The following SLC24A3 variants were observed in gnomAD, a reference collection of about 807,000 sequenced individuals.
SLC24A3 encodes the protein sodium/potassium/calcium exchanger 3.
In SLC24A3, 28 loss-of-function variants were observed where a neutral mutation model predicts 75.8. That is an observed-to-expected ratio of 0.37 (90% CI 0.27 to 0.51). The LOEUF is 0.51. SLC24A3 is among the 20% of genes least tolerant of loss of function. The probability of loss-of-function intolerance (pLI) is 0.94; values close to 1 mark genes in which losing one functional copy is unlikely to be tolerated. For missense variants in SLC24A3, 663 were observed against 847.8 expected, an observed-to-expected ratio of 0.78 and a Z score of 2.71; for synonymous variants, 372 against 334.1, an observed-to-expected ratio of 1.11 and a Z score of -1.24.
chr20:19,636,737 A>G (rs2122692347), intron 6 of SLC24A3, among the ~76,000 whole-genome samples: 1 of 152,236 alleles, frequency 6.6e-6, no homozygotes, highest in Admixed American at 6.5e-5. Flanking sequence ...CACATCACTC[A>G]TCCTGGCCAC....
rs1488213906 is a variant in SLC24A3, at chr20:19,720,991, G to A, written c.1786G>A (p.Val596Met). 2.5e-6 allele frequency: 4 copies of A among 1,613,534 alleles called. No individual in the cohort carries two copies. In the South Asian group the frequency reaches 4.4e-5, roughly 18 times the overall value. ...TCTGAACCTGTTCTGTGCCCTGCAG[G>A]TGTTCGGCGTCCACCTGAACAAGTG... ...GLLLASVFVT[V>M]FGVHLNKWQL... The change falls in exon 17 of 17, where the codon GTG (valine) becomes ATG (methionine). Residue 596 changes from valine to methionine, a missense_variant and splice_region_variant. Transcript: ENST00000328041.
chr20:19,450,260 G>C (rs1468239703), intron 2 of SLC24A3, among the ~76,000 whole-genome samples: 1 of 152,232 alleles, frequency 6.6e-6, no homozygotes, highest in Non-Finnish European at 1.5e-5. Flanking sequence ...CAGTCAGACA[G>C]TGGTGAACCA....
intron 2 of SLC24A3, among the ~76,000 whole-genome samples, chr20:19,445,445 A>G (rs1987365219): frequency 1.3e-5 from 2 of 152,248 alleles, no homozygotes; most frequent in Admixed American, 6.5e-5. Context: ...TCTTAGAAGC[A>G]GACTCAGGGT....
chr20:19,588,028 G>A (rs2031323222), intron 6 of SLC24A3, among the ~76,000 whole-genome samples: 1 of 152,162 alleles, frequency 6.6e-6, no homozygotes, highest in African/African-American at 2.4e-5. Context: ...ATACTCAGTG[G>A]GAAGGAAAGG....
chr20:19,681,065 A>C (rs1300044775), intron 9 of SLC24A3, among the ~76,000 whole-genome samples: 3 of 152,096 alleles, frequency 2.0e-5, no homozygotes, highest in African/African-American at 7.2e-5. Flanking sequence ...AGTTTTTATG[A>C]GTTTTCTAGG....
At chr20:19,275,518 G>A (rs1324793463) in intron 1 of SLC24A3, among the ~76,000 whole-genome samples, 1 of 152,180 alleles carries the variant, frequency 6.6e-6, no homozygotes, top group Non-Finnish European at 1.5e-5. Flanking sequence ...GTGGGACAAG[G>A]TTCACATAGG....
rs756183736 is a variant in SLC24A3 at position 19,585,562 on chromosome 20, T to C, written c.612+18T>C. The stretch of plus-strand genomic sequence containing the variant: ...CTGGGCAGGTAAGACTGGCGGCTTC[T>C]TTGTGATGGCAAAATGTGACATTGG... On this transcript the variant is annotated intron_variant, in intron 6 of 16. Coordinates refer to ENST00000328041, the MANE Select transcript of SLC24A3 (RefSeq NM_020689.4). 2.9e-5 allele frequency: 47 copies of C among 1,608,866 alleles called. No individual in the cohort carries two copies. The highest frequency in any genetic ancestry group is 1.2e-4 in the Admixed American group (7 of 59,552).
chr20:19,711,292 C>T (rs555107555), intron 15 of SLC24A3, among the ~76,000 whole-genome samples: 52 of 45,534 alleles, frequency 1.1e-3, no homozygotes, highest in African/African-American at 5.2e-3. Flanking sequence ...CATGCAAACA[C>T]GCACACACAT....
intron 2 of SLC24A3, among the ~76,000 whole-genome samples, chr20:19,315,780 G>A (rs772327750): frequency 3.3e-5 from 5 of 152,066 alleles, no homozygotes; most frequent in African/African-American, 9.7e-5. Flanking sequence ...TTGTTCACTC[G>A]TGTACATAAA....
In SLC24A3 at chr20:19,346,144, T is replaced by TGTATATATATATGGTGTATATATATG. The variant is rs1568595682; in HGVS notation, c.271+65083_271+65108dup. Among the ~76,000 whole-genome samples the TGTATATATATATGGTGTATATATATG allele has an allele frequency of 1.4e-4, 12 of 83,436 alleles. 1 individual carries two copies. Among genetic ancestry groups the TGTATATATATATGGTGTATATATATG allele is most frequent in the South Asian group, 7.5e-4 (2 of 2,682 alleles). 54.7% of individuals were successfully genotyped at this position (83,436 alleles called of 152,430 possible). ...TGTGTGTATATATATATATGGTGTG[T>TGTATATATATATGGTGTATATATATG]GTATATATATATGGTGTATATATAT... is the stretch of plus-strand genomic sequence containing the variant. On this transcript the variant is annotated intron_variant, in intron 2 of 16. Coordinates refer to ENST00000328041, the MANE Select transcript of SLC24A3 (RefSeq NM_020689.4).
At chr20:19,686,506 G>T (rs1041700267) in intron 12 of SLC24A3, among the ~76,000 whole-genome samples, 1 of 152,234 alleles carries the variant, frequency 6.6e-6, no homozygotes, top group African/African-American at 2.4e-5. Context: ...CACATGGACT[G>T]TCAAGTGTGT....
chr20:19,349,681 C>T (rs1225265940), intron 2 of SLC24A3, among the ~76,000 whole-genome samples: 1 of 152,220 alleles, frequency 6.6e-6, no homozygotes, highest in Non-Finnish European at 1.5e-5. Context: ...CAGTTGCCCA[C>T]AGCAGTAACT....
At chr20:19,551,182 C>A (rs1331457039) in intron 3 of SLC24A3, among the ~76,000 whole-genome samples, 1 of 152,160 alleles carries the variant, frequency 6.6e-6, no homozygotes, top group African/African-American at 2.4e-5. Flanking sequence ...TCTCTTTGGT[C>A]CTCATAGTTT....
At position 19,269,814 on chromosome 20, in the gene SLC24A3, C is replaced by T. The variant is rs150267797; in HGVS notation, c.143-11145C>T. Among the ~76,000 whole-genome samples, 361 of 152,286 alleles carry T rather than the reference C, an allele frequency of 2.4e-3. 3 individuals are homozygous for T. The highest frequency in any genetic ancestry group is 8.5e-3 in the African/African-American group (355 of 41,560). On this transcript the variant is annotated intron_variant, in intron 1 of 16. Transcript: ENST00000328041. ...TGGGCACACAATTATAGTATTTGCT[C>T]CTGAGGCCCGTATAATAATAGTTGA...
At chr20:19,257,339 C>G (rs1982845092) in intron 1 of SLC24A3, among the ~76,000 whole-genome samples, 1 of 152,194 alleles carries the variant, frequency 6.6e-6, no homozygotes, top group Non-Finnish European at 1.5e-5. Flanking sequence ...ATCCTCCTCT[C>G]AGACGGTTGA....
intron 1 of SLC24A3, among the ~76,000 whole-genome samples, chr20:19,252,480 A>G (rs1328279883): frequency 6.6e-6 from 1 of 152,212 alleles, no homozygotes; most frequent in Non-Finnish European, 1.5e-5. Context: ...GGTCATAGGC[A>G]CTAATTAACC....
intron 2 of SLC24A3, among the ~76,000 whole-genome samples, chr20:19,306,130 A>G (rs1252872435): frequency 2.0e-5 from 3 of 152,238 alleles, no homozygotes; most frequent in Admixed American, 6.5e-5. Context: ...AAAGTGTTCA[A>G]CATCACTAAT....
chr20:19,629,119 A>G (rs2031903816), intron 6 of SLC24A3, among the ~76,000 whole-genome samples: 1 of 151,958 alleles, frequency 6.6e-6, no homozygotes, highest in Non-Finnish European at 1.5e-5. Context: ...AAAATGCCCA[A>G]TGAGCTATAA....
chr20:19,718,284 A>G (rs1052311172), intron 16 of SLC24A3, among the ~76,000 whole-genome samples: 3 of 152,256 alleles, frequency 2.0e-5, no homozygotes, highest in African/African-American at 7.2e-5. Flanking sequence ...TTACAGGATC[A>G]GGGTGTGAAT....
Sources: allele counts gnomAD v4.1 joint callset (sites outside exome capture counted in the v4.1 genomes callset), GRCh38; gene constraint gnomAD v4.1.1; transcripts MANE v1.5; gene names NCBI Gene and HGNC (gene_info 2026-07-23, HGNC 2026-07-21).